The following COL25A1 variants were observed in gnomAD, a reference collection of about 807,000 sequenced individuals.
COL25A1 encodes the protein collagen type XXV alpha 1 chain.
In COL25A1, 103 loss-of-function variants were observed where a neutral mutation model predicts 128.4. That is an observed-to-expected ratio of 0.80 (90% CI 0.68 to 0.94). COL25A1 has a LOEUF of 0.94. Ranked by LOEUF, COL25A1 falls within the 40% of genes least tolerant of loss-of-function variation. The pLI is 0.00. For missense variants in COL25A1, 745 were observed against 840.0 expected, an observed-to-expected ratio of 0.89 and a Z score of 1.40; for synonymous variants, 279 against 277.2, an observed-to-expected ratio of 1.01 and a Z score of -0.06.
At chr4:108,850,757 T>C (rs992770217) in intron 26 of COL25A1, among the ~76,000 whole-genome samples, 7 of 152,096 alleles carry the variant, frequency 4.6e-5, no homozygotes, top group African/African-American at 1.4e-4. Flanking sequence ...GTCCTTACCA[T>C]AGAGTAGAGG....
At chr4:108,916,732 A>G (rs990959312) in intron 13 of COL25A1, among the ~76,000 whole-genome samples, 17 of 152,196 alleles carry the variant, frequency 1.1e-4, no homozygotes, top group African/African-American at 4.1e-4. Context: ...GATCTGCAAT[A>G]TTCTAAACAG....
chr4:108,941,563 T>C (rs1748097150), intron 8 of COL25A1, 126 bp from the exon 9 acceptor site: 2 of 649,830 alleles, frequency 3.1e-6, no homozygotes, highest in East Asian at 5.5e-5. Flanking sequence ...TTAAACAAAA[T>C]AGAACTGGCA....
intron 8 of COL25A1, among the ~76,000 whole-genome samples, chr4:108,960,978 C>T (rs1349355971): frequency 6.6e-6 from 1 of 151,934 alleles, no homozygotes; most frequent in Non-Finnish European, 1.5e-5. Flanking sequence ...CTCTTTAATC[C>T]TGAAATGCTA....
Position 108,969,405 on chromosome 4 carries a change from G to A in COL25A1, c.492+4962C>T, listed in dbSNP as rs1751670059. ...CTTGAAGCAGGCTTCCTGCAATCAT[G>A]AGACAAGGCCAAGAGATTCACAGAC... is the stretch of plus-strand genomic sequence containing the variant. On this transcript the variant is annotated intron_variant, in intron 8 of 37. Transcript: ENST00000399132. 2.0e-5 allele frequency among the ~76,000 whole-genome samples: 3 copies of A among 152,174 alleles called. No individual in the cohort carries two copies. In the South Asian group the frequency reaches 6.2e-4, roughly 31 times the overall value.
intron 3 of COL25A1, among the ~76,000 whole-genome samples, chr4:109,295,640 A>C (rs984091823): frequency 6.6e-5 from 10 of 152,242 alleles, no homozygotes; most frequent in African/African-American, 2.4e-4. Flanking sequence ...TTTATGTGAG[A>C]AAGTAAATTT....
At chr4:109,137,101 C>A (rs1467804620) in intron 3 of COL25A1, among the ~76,000 whole-genome samples, 1 of 152,168 alleles carries the variant, frequency 6.6e-6, no homozygotes, top group South Asian at 2.1e-4. Context: ...GAGTTGTTTC[C>A]AGTCACTGAG....
intron 6 of COL25A1, among the ~76,000 whole-genome samples, chr4:108,985,559 G>C (rs1271648456): frequency 6.6e-6 from 1 of 152,128 alleles, no homozygotes; most frequent in African/African-American, 2.4e-5. Flanking sequence ...TACTGATCTT[G>C]GGGACATTTC....
chr4:109,202,240 A>G (rs772920705), intron 3 of COL25A1, among the ~76,000 whole-genome samples: 4 of 152,188 alleles, frequency 2.6e-5, no homozygotes, highest in Non-Finnish European at 5.9e-5. Flanking sequence ...AGTTATCAAG[A>G]CAATGTAGTA....
chr4:109,295,852 A>C (rs1387744987), intron 3 of COL25A1, among the ~76,000 whole-genome samples: 3 of 152,032 alleles, frequency 2.0e-5, no homozygotes, highest in Non-Finnish European at 4.4e-5. Flanking sequence ...TTTGTACACC[A>C]TCATTTTCAT....
At chr4:108,841,796 TAA>T in intron 30 of COL25A1, 75 bp from the exon 31 acceptor site, 1 of 1,162,442 alleles carries the variant, frequency 8.6e-7, no homozygotes, top group Non-Finnish European at 1.3e-6. Context: ...TTATATCACA[TAA>T]CAAAAGAGAT....
intron 5 of COL25A1, among the ~76,000 whole-genome samples, chr4:109,022,385 G>C (rs1243054550): frequency 6.6e-6 from 1 of 151,556 alleles, no homozygotes; most frequent in African/African-American, 2.4e-5. Flanking sequence ...ATCAGCATTG[G>C]TTAAATCCAT....
chr4:109,039,419 A>G (rs1759656792), intron 5 of COL25A1, among the ~76,000 whole-genome samples: 1 of 152,152 alleles, frequency 6.6e-6, no homozygotes, highest in South Asian at 2.1e-4. Flanking sequence ...TCCCAAAATG[A>G]CAGTTTTTTC....
chr4:108,933,603 G>A (rs1747021930), intron 11 of COL25A1, among the ~76,000 whole-genome samples: 1 of 152,062 alleles, frequency 6.6e-6, no homozygotes, highest in South Asian at 2.1e-4. Context: ...CTTTCTGTAT[G>A]CCAAGTTATA....
At chr4:109,099,725 G>GA (rs1427804714) in intron 3 of COL25A1, among the ~76,000 whole-genome samples, 1 of 150,930 alleles carries the variant, frequency 6.6e-6, no homozygotes, top group African/African-American at 2.4e-5. Flanking sequence ...ATAACTAGGA[G>GA]AAAAAATAAA....
At chr4:109,028,496 G>A (rs929175887) in intron 5 of COL25A1, among the ~76,000 whole-genome samples, 2 of 152,172 alleles carry the variant, frequency 1.3e-5, no homozygotes, top group African/African-American at 4.8e-5. Flanking sequence ...GGAGGCAAAG[G>A]CAGGCAGATC....
At chr4:109,264,274 G>A (rs915596045) in intron 3 of COL25A1, among the ~76,000 whole-genome samples, 1 of 152,204 alleles carries the variant, frequency 6.6e-6, no homozygotes, top group Admixed American at 6.5e-5. Flanking sequence ...AGCTAAGCAC[G>A]ATAATGAAAA....
intron 6 of COL25A1, among the ~76,000 whole-genome samples, chr4:108,984,822 G>A (rs548029896): frequency 4.6e-5 from 7 of 152,254 alleles, no homozygotes; most frequent in Non-Finnish European, 4.4e-5. Flanking sequence ...CGGGCTGAAG[G>A]GCTCCTCAAG....
intron 36 of COL25A1, 64 bp downstream of exon 36, chr4:108,819,188 A>G: frequency 1.6e-6 from 2 of 1,251,246 alleles, no homozygotes; most frequent in Non-Finnish European, 2.3e-6. Context: ...TTACACTGAT[A>G]GAGATGAACA....
intron 31 of COL25A1, among the ~76,000 whole-genome samples, chr4:108,832,917 A>C (rs1733317087): frequency 6.6e-6 from 1 of 151,430 alleles, no homozygotes; most frequent in Non-Finnish European, 1.5e-5. Context: ...TAGTGAGCCA[A>C]GATCGTGCCA....
Sources: allele counts gnomAD v4.1 joint callset (sites outside exome capture counted in the v4.1 genomes callset), GRCh38; gene constraint gnomAD v4.1.1; transcripts MANE v1.5; gene names NCBI Gene and HGNC (gene_info 2026-07-23, HGNC 2026-07-21).